PKIB: variants seen among roughly 807,000 people sequenced by gnomAD.
The protein encoded by PKIB is PKI-beta.
In PKIB, 2 loss-of-function variants were observed where a neutral mutation model predicts 4.5. That is an observed-to-expected ratio of 0.44 (90% confidence interval 0.18 to 1.39). The LOEUF is 1.39. Among genes scored for constraint, PKIB ranks in the 40% most tolerant of loss-of-function variants. The pLI is 0.27. For missense variants in PKIB, 94 were observed against 92.6 expected, an observed-to-expected ratio of 1.02 and a Z score of -0.06; for synonymous variants, 38 against 36.0, an observed-to-expected ratio of 1.06 and a Z score of -0.20.
intron 2 of PKIB, chr6:122,531,436 A>G (rs1178010053): frequency 4.6e-5 from 7 of 152,210 alleles, no homozygotes; most frequent in African/African-American, 1.7e-4. Context: ...TATACAGGGA[A>G]GAAAGCTTCA....
chr6:122,488,829 A>G (rs1010030802), intron 2 of PKIB, among the ~76,000 whole-genome samples: 3 of 152,152 alleles, frequency 2.0e-5, no homozygotes, highest in South Asian at 2.1e-4. Context: ...CACATACACA[A>G]ACATTTGTAT....
intron 2 of PKIB, among the ~76,000 whole-genome samples, chr6:122,560,940 T>C (rs1252415762): frequency 6.6e-6 from 1 of 152,128 alleles, no homozygotes; most frequent in Non-Finnish European, 1.5e-5. Flanking sequence ...CTCTTTTTCT[T>C]GGTTAGTCTT....
At chr6:122,712,376 T>A (rs1371280626) in intron 3 of PKIB, among the ~76,000 whole-genome samples, 1 of 152,182 alleles carries the variant, frequency 6.6e-6, no homozygotes, top group East Asian at 1.9e-4. Context: ...TCTTTCGCCT[T>A]TTTTGGAAGA....
chr6:122,522,246 C>T (rs1014455104), intron 2 of PKIB, among the ~76,000 whole-genome samples: 3 of 152,070 alleles, frequency 2.0e-5, no homozygotes, highest in Non-Finnish European at 4.4e-5. Flanking sequence ...CAAATTTAAA[C>T]AGTGCAAAAA....
intron 3 of PKIB, among the ~76,000 whole-genome samples, chr6:122,717,169 A>T (rs1376933408): frequency 6.7e-6 from 1 of 150,066 alleles, no homozygotes; most frequent in Non-Finnish European, 1.5e-5. Context: ...ACTAGTAATT[A>T]CCATGTCAAC....
At chr6:122,689,715 A>G (rs1277876281) in intron 3 of PKIB, among the ~76,000 whole-genome samples, 1 of 152,146 alleles carries the variant, frequency 6.6e-6, no homozygotes, top group East Asian at 1.9e-4. Flanking sequence ...TGAGGAGAAA[A>G]ATGTGTATTC....
intron 2 of PKIB, among the ~76,000 whole-genome samples, chr6:122,501,297 G>A (rs990233987): frequency 3.2e-4 from 48 of 152,202 alleles, no homozygotes; most frequent in African/African-American, 1.2e-3. Flanking sequence ...GGGGCTACAG[G>A]CATTGGGTAA....
intron 2 of PKIB, among the ~76,000 whole-genome samples, chr6:122,641,366 G>A (rs991116569): frequency 2.0e-5 from 3 of 152,078 alleles, no homozygotes; most frequent in Admixed American, 2.0e-4. Context: ...CCCATGGATA[G>A]CAGAACGTTA....
intron 2 of PKIB, among the ~76,000 whole-genome samples, chr6:122,543,299 G>T (rs142818758): frequency 6.6e-6 from 1 of 151,610 alleles, no homozygotes; most frequent in Non-Finnish European, 1.5e-5. Flanking sequence ...CATCGCTCAC[G>T]CTGGGAACTG....
chr6:122,475,026 TTTG>T (rs1775416266), intron 1 of PKIB, among the ~76,000 whole-genome samples: 1 of 152,148 alleles, frequency 6.6e-6, no homozygotes, highest in African/African-American at 2.4e-5. Context: ...GTCATTTTGG[TTTG>T]TTGTTGTTCT....
chr6:122,652,075 A>T (rs1776575751), intron 2 of PKIB, among the ~76,000 whole-genome samples: 1 of 152,178 alleles, frequency 6.6e-6, no homozygotes, highest in Non-Finnish European at 1.5e-5. Flanking sequence ...TAGAGAACAT[A>T]TTCCAAGAAT....
intron 3 of PKIB, among the ~76,000 whole-genome samples, chr6:122,693,655 A>G (rs1298394673): frequency 6.6e-6 from 1 of 152,236 alleles, no homozygotes; most frequent in Non-Finnish European, 1.5e-5. Context: ...GGATCTGCAA[A>G]TGATGTGGAC....
intron 1 of PKIB, among the ~76,000 whole-genome samples, chr6:122,625,527 C>A (rs1775401327): frequency 6.6e-6 from 1 of 152,064 alleles, no homozygotes; most frequent in South Asian, 2.1e-4. Flanking sequence ...AATCCCAAGA[C>A]TTTGGTAAAC....
rs546135578 is a variant in PKIB at position 122,703,887 on chromosome 6, G to A, written c.-8-13900G>A. On this transcript the variant is annotated intron_variant, in intron 3 of 4. Coordinates refer to ENST00000368452, the MANE Select transcript of PKIB (RefSeq NM_181795.3). ...CTACGTAAGAACGGCAAAAATGCTCGCTCTCTATATAAAAAACGCTATATA... is the reference window on the plus strand; with the variant it reads ...CTACGTAAGAACGGCAAAAATGCTCACTCTCTATATAAAAAACGCTATATA... Among the ~76,000 whole-genome samples the A allele has an allele frequency of 2.2e-4, 32 of 146,058 alleles. No homozygotes were observed. In the South Asian group the frequency reaches 5.6e-3, roughly 26 times the overall value.
intron 2 of PKIB, among the ~76,000 whole-genome samples, chr6:122,654,572 C>T (rs1374590356): frequency 6.6e-6 from 1 of 152,124 alleles, no homozygotes. Flanking sequence ...GGGTTCTTAA[C>T]CAAGGCTAAG....
chr6:122,587,784 T>C (rs1229087900), intron 3 of PKIB, among the ~76,000 whole-genome samples: 1 of 152,236 alleles, frequency 6.6e-6, no homozygotes, highest in Non-Finnish European at 1.5e-5. Context: ...CCAGTGATGA[T>C]GAGCATTTTT....
chr6:122,527,504 C>G (rs73547234), intron 2 of PKIB, among the ~76,000 whole-genome samples: 1 of 151,944 alleles, frequency 6.6e-6, no homozygotes, highest in Non-Finnish European at 1.5e-5. Flanking sequence ...GACCTAATTT[C>G]GTTATTTTTG....
intron 2 of PKIB, among the ~76,000 whole-genome samples, chr6:122,573,674 A>C (rs36102750): frequency 1.6e-4 from 25 of 152,336 alleles, no homozygotes; most frequent in Non-Finnish European, 3.4e-4. Context: ...AAAAACAAAA[A>C]TAATTATCTC....
Position 122,690,163 on chromosome 6 carries a change from T to C in PKIB, c.-9+15019T>C, listed in dbSNP as rs1184506545. 3.9e-5 allele frequency among the ~76,000 whole-genome samples: 6 copies of C among 152,058 alleles called. No homozygotes were observed. The East Asian group carries it at 7.7e-4, about 20-fold the overall frequency. ...CTTTGTAGGTGAAGTGTGTTTCTTA[T>C]AGGCAACAGATCATTGGGTCTTTCT... On this transcript the variant is annotated intron_variant, in intron 3 of 4. Coordinates refer to ENST00000368452, the MANE Select transcript of PKIB (RefSeq NM_181795.3).
Sources: allele counts gnomAD v4.1 joint callset (sites outside exome capture counted in the v4.1 genomes callset), GRCh38; gene constraint gnomAD v4.1.1; transcripts MANE v1.5; gene names NCBI Gene and HGNC (gene_info 2026-07-23, HGNC 2026-07-21).